FBXL17: variants seen among roughly 807,000 people sequenced by gnomAD.
FBXL17 encodes F-box/LRR-repeat protein 17.
In FBXL17, 22 loss-of-function variants were observed where a neutral mutation model predicts 66.2. The observed-to-expected ratio is 0.33, with a 90% CI of 0.24 to 0.47. The LOEUF (loss-of-function observed/expected upper bound fraction) is 0.47. Among genes scored for constraint, FBXL17 ranks in the 20% least tolerant of loss-of-function variants. The pLI, the probability that FBXL17 is intolerant of heterozygous loss-of-function variation, is 1.00. For synonymous variants in FBXL17, 474 were observed against 400.5 expected, an observed-to-expected ratio of 1.18 and a Z score of -2.19; for missense variants, 878 against 948.2, an observed-to-expected ratio of 0.93 and a Z score of 0.97.
chr5:108,074,763 G>A lies in FBXL17; in HGVS notation c.1746-53762C>T, dbSNP rs563956732. Among the ~76,000 whole-genome samples, 36 of 152,252 alleles carry A rather than the reference G, an allele frequency of 2.4e-4. No homozygotes were observed. In the East Asian group the frequency reaches 6.8e-3, roughly 29 times the overall value. On this transcript the variant is annotated intron_variant, in intron 6 of 8. Transcript: ENST00000542267. Reference sequence around the variant, plus strand: ...TACCCGATCGCTTTGGCTTTTGTGGGTACCAGAGATTACTTTGTACTATGA... The same window carrying A: ...TACCCGATCGCTTTGGCTTTTGTGGATACCAGAGATTACTTTGTACTATGA...
Position 108,283,099 on chromosome 5 carries a change from T to C in FBXL17, c.1507-58871A>G, listed in dbSNP as rs528989011. 2.4e-4 allele frequency among the ~76,000 whole-genome samples: 37 copies of C among 151,916 alleles called. 2 individuals carry two copies. The South Asian group carries it at 7.5e-3, about 31-fold the overall frequency. On this transcript the variant is annotated intron_variant, in intron 4 of 8. Transcript: ENST00000542267. The stretch of plus-strand genomic sequence containing the variant: ...TGCCTAAAACAATCTATAGTTTCAA[T>C]GCAATCCCTATCAAATTACCAATGT...
intron 1 of FBXL17, among the ~76,000 whole-genome samples, chr5:108,371,322 T>C (rs1461721513): frequency 2.0e-5 from 3 of 152,170 alleles, no homozygotes; most frequent in Non-Finnish European, 1.5e-5. Flanking sequence ...AATTTTATCA[T>C]AAAAGCAGCC....
intron 7 of FBXL17, among the ~76,000 whole-genome samples, chr5:107,881,500 C>A (rs1299926982): frequency 6.6e-6 from 1 of 151,976 alleles, no homozygotes; most frequent in Non-Finnish European, 1.5e-5. Context: ...ACAGATACAA[C>A]ATTTAAAAAA....
At chr5:108,375,931 G>A (rs1307705569) in intron 1 of FBXL17, among the ~76,000 whole-genome samples, 1 of 152,008 alleles carries the variant, frequency 6.6e-6, no homozygotes, top group Non-Finnish European at 1.5e-5. Context: ...GACCAAGTAG[G>A]ATTTATCCCA....
intron 6 of FBXL17, among the ~76,000 whole-genome samples, chr5:108,181,244 TAGAATC>T (rs1752991317): frequency 1.3e-5 from 2 of 152,242 alleles, no homozygotes; most frequent in Middle Eastern, 6.8e-3. Flanking sequence ...TCAATAAACT[TAGAATC>T]AGGGAGTGGA....
intron 5 of FBXL17, among the ~76,000 whole-genome samples, chr5:108,221,030 A>C (rs1754842693): frequency 6.6e-6 from 1 of 152,200 alleles, no homozygotes. Flanking sequence ...ACTTTATCTT[A>C]TCAACCTGTG....
chr5:108,378,681 G>C (rs527885155), intron 1 of FBXL17, among the ~76,000 whole-genome samples: 3 of 152,122 alleles, frequency 2.0e-5, no homozygotes, highest in Admixed American at 2.0e-4. Context: ...ATATCTCTTC[G>C]TGGTGTGGCG....
chr5:108,095,303 C>T (rs1210800303), intron 6 of FBXL17, among the ~76,000 whole-genome samples: 1 of 151,746 alleles, frequency 6.6e-6, no homozygotes, highest in Non-Finnish European at 1.5e-5. Context: ...GAACAGATAT[C>T]GGTGGGAACC....
chr5:108,128,987 G>C (rs1304032241), intron 6 of FBXL17, among the ~76,000 whole-genome samples: 8 of 151,880 alleles, frequency 5.3e-5, no homozygotes, highest in Non-Finnish European at 1.2e-4. Context: ...GGGATTTTTT[G>C]GTTGACATGA....
intron 4 of FBXL17, among the ~76,000 whole-genome samples, chr5:108,261,463 CTT>C (rs1485962830): frequency 6.6e-6 from 1 of 151,982 alleles, no homozygotes; most frequent in Non-Finnish European, 1.5e-5. Context: ...AGAAGATAAA[CTT>C]TGGAAAATGA....
intron 4 of FBXL17, among the ~76,000 whole-genome samples, chr5:108,256,420 C>A (rs2150120131): frequency 6.6e-6 from 1 of 152,110 alleles, no homozygotes; most frequent in East Asian, 1.9e-4. Context: ...TCAAGTAACT[C>A]CAAAACGTTT....
intron 5 of FBXL17, among the ~76,000 whole-genome samples, chr5:108,203,318 A>T (rs538540187): frequency 6.6e-6 from 1 of 152,094 alleles, no homozygotes; most frequent in African/African-American, 2.4e-5. Context: ...AGATTAGGTG[A>T]TTTGTCCTAG....
At chr5:108,103,282 A>G (rs1172791111) in intron 6 of FBXL17, among the ~76,000 whole-genome samples, 3 of 152,236 alleles carry the variant, frequency 2.0e-5, no homozygotes, top group Non-Finnish European at 4.4e-5. Flanking sequence ...TGCAACTTCT[A>G]AAAGTTCAGG....
chr5:108,368,205 T>C (rs545350051), intron 1 of FBXL17, among the ~76,000 whole-genome samples: 3 of 151,832 alleles, frequency 2.0e-5, no homozygotes, highest in Non-Finnish European at 2.9e-5. Context: ...CACGTGTTCA[T>C]GCATATCTTT....
intron 6 of FBXL17, among the ~76,000 whole-genome samples, chr5:108,141,043 T>G (rs1241419600): frequency 6.6e-6 from 1 of 152,182 alleles, no homozygotes; most frequent in African/African-American, 2.4e-5. Context: ...TGTGATGATA[T>G]CATTCCCCTA....
chr5:108,174,172 C>G (rs1752706853), intron 6 of FBXL17, among the ~76,000 whole-genome samples: 1 of 152,120 alleles, frequency 6.6e-6, no homozygotes, highest in Non-Finnish European at 1.5e-5. Context: ...AAAGATAACC[C>G]TATGCTATAG....
At chr5:108,058,232 C>A (rs144633980) in intron 6 of FBXL17, among the ~76,000 whole-genome samples, 6 of 152,262 alleles carry the variant, frequency 3.9e-5, no homozygotes, top group Middle Eastern at 3.4e-3. Flanking sequence ...AACAGAGGTT[C>A]GGTTTGATAG....
At chr5:107,932,382 T>G (rs1004400338) in intron 7 of FBXL17, among the ~76,000 whole-genome samples, 13 of 152,166 alleles carry the variant, frequency 8.5e-5, no homozygotes, top group Non-Finnish European at 1.6e-4. Context: ...TAAAATTTTC[T>G]AGGAATAGAA....
chr5:108,366,756 TA>T (rs1373189271), intron 2 of FBXL17, among the ~76,000 whole-genome samples: 4 of 152,064 alleles, frequency 2.6e-5, no homozygotes, highest in Admixed American at 2.6e-4. Context: ...CCCAAGCAAG[TA>T]AATAACAAAT....
Sources: gnomAD v4.1 joint callset for allele counts (sites outside exome capture counted in the v4.1 genomes callset) on GRCh38, gnomAD v4.1.1 for gene constraint, MANE v1.5 for transcripts, NCBI Gene and HGNC (gene_info 2026-07-23, HGNC 2026-07-21) for gene names.